Variants in MTMR9 observed in about 807,000 individuals in gnomAD.
The protein encoded by MTMR9 is myotubularin-related protein 9.
Under a neutral mutation model 69.5 loss-of-function variants are expected in MTMR9, and 39 were observed. That is an observed-to-expected ratio of 0.56 (90% CI 0.43 to 0.73). The LOEUF is 0.73. Among genes scored for constraint, MTMR9 ranks in the 30% least tolerant of loss-of-function variants. The pLI is 0.00. For synonymous variants in MTMR9, 354 were observed against 240.8 expected, an observed-to-expected ratio of 1.47 and a Z score of -4.35; for missense variants, 900 against 671.2, an observed-to-expected ratio of 1.34 and a Z score of -3.77.
intron 3 of MTMR9, 62 bp downstream of exon 3, chr8:11,300,210 G>GA: frequency 6.4e-7 from 1 of 1,565,192 alleles, no homozygotes; most frequent in South Asian, 1.1e-5. Context: ...TTTGACTTGT[G>GA]AAAATGATCA....
chr8:11,338,787 A>C, the MTMR9 span, among the ~76,000 whole-genome samples: 1,515 of 152,330 alleles, frequency 9.9e-3, 19 homozygotes, highest in African/African-American at 0.034. Flanking sequence ...GATTGAAGAC[A>C]GGTAGTTCCT....
Position 11,316,848 on chromosome 8 carries a change from A to G in MTMR9, c.1289A>G (p.Tyr430Cys). ...CTCATCATGCTCTTTGAGCATGCTTATGCCTCACAGTTTGGAACATTTCTG... is the reference window on the plus strand; with the variant it reads ...CTCATCATGCTCTTTGAGCATGCTTGTGCCTCACAGTTTGGAACATTTCTG... ...NFLIMLFEHA[Y>C]ASQFGTFLGN... is the part of the protein sequence containing the mutation. The change falls in exon 8 of 10, where the codon TAT (tyrosine) becomes TGT (cysteine). Residue 430 changes from tyrosine (Y) to cysteine (C), a missense_variant. By Grantham distance (194) the Tyr-to-Cys change is radical (BLOSUM62 -2). Coordinates refer to ENST00000221086, the MANE Select transcript of MTMR9 (RefSeq NM_015458.4). 1.2e-6 allele frequency: 2 copies of G among 1,612,808 alleles called. No homozygotes were observed. Among genetic ancestry groups the G allele is most frequent in the Non-Finnish European group, 1.7e-6 (2 of 1,179,376 alleles).
At chr8:11,289,097 G>A (rs1799289803) in intron 1 of MTMR9, among the ~76,000 whole-genome samples, 1 of 152,272 alleles carries the variant, frequency 6.6e-6, no homozygotes, top group African/African-American at 2.4e-5. Flanking sequence ...ACTTCACCCT[G>A]GGAGGCCGAG....
chr8:11,339,440 A>G, the MTMR9 span, among the ~76,000 whole-genome samples: 2 of 152,234 alleles, frequency 1.3e-5, no homozygotes, highest in East Asian at 1.9e-4. Context: ...TGGCTATTCT[A>G]TAGAACAGGG....
intron 1 of MTMR9, among the ~76,000 whole-genome samples, chr8:11,285,668 A>G (rs1799121992): frequency 6.6e-6 from 1 of 152,146 alleles, no homozygotes; most frequent in African/African-American, 2.4e-5. Context: ...CTCTCAAGGA[A>G]AGGCATGGAC....
chr8:11,305,943 G>A (rs1409632686), intron 4 of MTMR9, among the ~76,000 whole-genome samples: 1 of 152,184 alleles, frequency 6.6e-6, no homozygotes, highest in Non-Finnish European at 1.5e-5. Context: ...TGATCTTAAA[G>A]AGGAGATATA....
chr8:11,307,372 T>C (rs747183701), intron 5 of MTMR9, among the ~76,000 whole-genome samples: 11 of 152,194 alleles, frequency 7.2e-5, no homozygotes, highest in Non-Finnish European at 1.3e-4. Flanking sequence ...GTGCCTGGCC[T>C]ACCCTCTTTT....
chr8:11,320,909 T>C (rs1198521233), intron 9 of MTMR9: 2 of 152,936 alleles, frequency 1.3e-5, no homozygotes, highest in Non-Finnish European at 2.9e-5. Context: ...GGTAGCTGTT[T>C]GTTAAATTAA....
intron 2 of MTMR9, among the ~76,000 whole-genome samples, chr8:11,297,253 A>G (rs907443885): frequency 9.2e-5 from 14 of 152,218 alleles, no homozygotes; most frequent in African/African-American, 3.1e-4. Context: ...AATAGAGGAA[A>G]AACTGTTATA....
chr8:11,287,507 G>A (rs918630156), intron 1 of MTMR9, among the ~76,000 whole-genome samples: 3 of 151,674 alleles, frequency 2.0e-5, no homozygotes, highest in African/African-American at 7.3e-5. Context: ...CATCAGATCA[G>A]AGTTTGTTAA....
downstream of MTMR9, among the ~76,000 whole-genome samples, chr8:11,330,711 G>A (rs1801180560): frequency 6.6e-6 from 1 of 152,064 alleles, no homozygotes. Flanking sequence ...ACAGATACTT[G>A]AAGACAGCAT....
intron 5 of MTMR9, among the ~76,000 whole-genome samples, chr8:11,306,779 C>T (rs548728686): frequency 6.6e-6 from 1 of 152,182 alleles, no homozygotes; most frequent in Non-Finnish European, 1.5e-5. Flanking sequence ...CCATGCTGTA[C>T]AATAGACCTA....
intron 5 of MTMR9, among the ~76,000 whole-genome samples, chr8:11,308,560 A>C (rs1431664544): frequency 6.6e-6 from 1 of 151,512 alleles, no homozygotes. Context: ...TTTCTTCATG[A>C]CTCAGTCTTG....
intron 3 of MTMR9, among the ~76,000 whole-genome samples, chr8:11,304,380 C>G (rs182415729): frequency 6.6e-6 from 1 of 152,294 alleles, no homozygotes; most frequent in Non-Finnish European, 1.5e-5. Context: ...GGATCATTAA[C>G]AAACTAAATG....
rs1269126904 is a variant in MTMR9 at position 11,285,059 on chromosome 8, C to T, written c.171C>T (p.Ala57=). The change falls in exon 1 of 10, where the codon GCC becomes GCT. Residue 57 remains alanine (A), a synonymous_variant. Coordinates refer to ENST00000221086, the MANE Select transcript of MTMR9 (RefSeq NM_015458.4). ...ELWLLHSNID[A]IDKRFVGSLG... ...GGCTCCTCCATTCAAACATCGACGC[C>T]ATCGACAAGCGGTGAGTGCCCGCCC... 1 of 1,605,458 alleles carries T rather than the reference C, an allele frequency of 6.2e-7. No homozygotes were observed. The highest frequency in any genetic ancestry group is 8.5e-7 in the Non-Finnish European group (1 of 1,175,348).
downstream of MTMR9, chr8:11,331,423 T>G (rs146259642): frequency 5.6e-6 from 9 of 1,613,826 alleles, no homozygotes; most frequent in African/African-American, 1.1e-4. Flanking sequence ...TGGGCCTGCT[T>G]CTGTGCCCTG....
At position 11,312,165 on chromosome 8, in the gene MTMR9, C is replaced by G. The variant is rs544328720; in HGVS notation, c.971+2477C>G. On this transcript the variant is annotated intron_variant, in intron 6 of 9. Coordinates refer to ENST00000221086, the MANE Select transcript of MTMR9 (RefSeq NM_015458.4). ...GCTCAAATGATTCTCCCACCTCAGC[C>G]TCCCAAATAGCCAGTACTACAGGTG... 2.8e-3 allele frequency among the ~76,000 whole-genome samples: 427 copies of G among 152,222 alleles called. 3 individuals are homozygous for G. The highest frequency in any genetic ancestry group is 9.9e-3 in the African/African-American group (413 of 41,526).
At chr8:11,331,644 CT>C, downstream of MTMR9, 5 of 1,612,216 alleles carry the variant, frequency 3.1e-6, no homozygotes, top group African/African-American at 1.3e-5. Context: ...ACTCTGGACA[CT>C]ACAGGAGGGG....
chr8:11,323,688 T>C lies in MTMR9; in HGVS notation c.*900T>C, dbSNP rs975998511. ...GCACTGCCCTTGTCTAAAGTTCTTA[T>C]TGCACTGGTTTATATGTGTATGTGT... On this transcript the variant is annotated 3_prime_UTR_variant, in exon 10 of 10. Coordinates refer to ENST00000221086, the MANE Select transcript of MTMR9 (RefSeq NM_015458.4). The C allele has an allele frequency of 1.3e-5, 2 of 152,242 alleles. No individual in the cohort carries two copies. Among genetic ancestry groups the C allele is most frequent in the Non-Finnish European group, 2.9e-5 (2 of 68,036 alleles). 9.4% of individuals were successfully genotyped at this position (152,242 alleles called of 1,614,324 possible). A position where few individuals can be genotyped will look rare whatever the true frequency, so the allele number is the denominator to read the frequency against.
Sources: gnomAD v4.1 joint callset for allele counts (sites outside exome capture counted in the v4.1 genomes callset) on GRCh38, gnomAD v4.1.1 for gene constraint, MANE v1.5 for transcripts, NCBI Gene and HGNC (gene_info 2026-07-23, HGNC 2026-07-21) for gene names.